The following DIP2C variants were observed in gnomAD, a reference collection of about 807,000 sequenced individuals.
The protein encoded by DIP2C is DIP2 acetate--CoA ligase C (putative), also known as disco-interacting protein 2 homolog C.
Under a neutral mutation model 192.4 loss-of-function variants are expected in DIP2C, and 33 were observed. The ratio of observed to expected loss-of-function variants is 0.17; its 90% CI spans 0.13 to 0.23. The LOEUF is 0.23. DIP2C is among the 10% of genes least tolerant of loss of function. The pLI, the probability that DIP2C is intolerant of heterozygous loss-of-function variation, is 1.00. For synonymous variants in DIP2C, 979 were observed against 864.1 expected (o/e 1.13, Z -2.33); for missense variants, 1,537 against 2,110.1 (o/e 0.73, Z 5.32).
chr10:422,973 G>A lies in DIP2C; in HGVS notation c.455C>T (p.Thr152Ile), dbSNP rs916831142. 7 of 1,614,214 alleles carry A rather than the reference G, an allele frequency of 4.3e-6. No individual in the cohort carries two copies. The highest frequency in any genetic ancestry group is 1.3e-5 in the African/African-American group (1 of 75,072). The change falls in exon 5 of 37, where the codon ACC becomes ATC. Residue 152 changes from threonine (T) to isoleucine (I), a missense_variant. Thr to Ile is a moderately conservative substitution (Grantham distance 89, BLOSUM62 -1). This residue lies in a region of DIP2C where 473 missense variants were observed against 539.6 expected (regional missense o/e 0.88). Transcript: ENST00000280886. ...SVQGDSQGTP[T>I]SSQGSINMEH... is the part of the protein sequence containing the mutation. ...CATATTGATGCTGCCCTGGCTGGAG[G>A]TGGGGGTGCCCTGGGAGTCCCCCTG...
At chr10:593,913 T>TA (rs1851549810) in intron 1 of DIP2C, among the ~76,000 whole-genome samples, 1 of 151,430 alleles carries the variant, frequency 6.6e-6, no homozygotes, top group Admixed American at 6.5e-5. Flanking sequence ...GCTGCCGAGT[T>TA]AAAGGGCCTC....
At chr10:582,636 G>A (rs1850740492) in intron 1 of DIP2C, among the ~76,000 whole-genome samples, 1 of 152,144 alleles carries the variant, frequency 6.6e-6, no homozygotes, top group South Asian at 2.1e-4. Flanking sequence ...TTAGGTGGAG[G>A]AAACACCGCA....
chr10:378,267 G>T (rs1013194664), intron 17 of DIP2C, among the ~76,000 whole-genome samples: 1 of 152,206 alleles, frequency 6.6e-6, no homozygotes, highest in Non-Finnish European at 1.5e-5. Context: ...CACGTAGCAA[G>T]ACTGAGCAGA....
rs1488763699 is a variant in DIP2C at position 336,942 on chromosome 10, T to C, written c.3584+4257A>G. 2.1e-4 allele frequency among the ~76,000 whole-genome samples: 12 copies of C among 57,314 alleles called. 1 individual carries two copies. Among genetic ancestry groups the C allele is most frequent in the African/African-American group, 4.7e-4 (12 of 25,466 alleles). The allele number at this position is 57,314 out of a possible 152,430, so 37.6% of individuals were successfully genotyped here. ...TGTGTTGTGGAGGCCTAGACTGGTG[T>C]GTGCGCGTGTGTGTGTGTTGTGGAG... On this transcript the variant is annotated intron_variant, in intron 29 of 36. Transcript: ENST00000280886.
intron 1 of DIP2C, among the ~76,000 whole-genome samples, chr10:642,275 G>A (rs1366930751): frequency 6.6e-6 from 1 of 152,198 alleles, no homozygotes; most frequent in Non-Finnish European, 1.5e-5. Context: ...GACCCACCTG[G>A]AGGGCAGGTG....
chr10:453,260 G>A (rs1447008569), intron 3 of DIP2C, among the ~76,000 whole-genome samples: 7 of 152,044 alleles, frequency 4.6e-5, no homozygotes, highest in African/African-American at 7.2e-5. Context: ...AGTTTTACCC[G>A]GCCACATGAA....
chr10:580,731 ATTTT>A (rs939691149), intron 1 of DIP2C, among the ~76,000 whole-genome samples: 1 of 151,684 alleles, frequency 6.6e-6, no homozygotes, highest in African/African-American at 2.4e-5. Context: ...GTTCCACATA[ATTTT>A]TTTTTCCAAA....
intron 7 of DIP2C, among the ~76,000 whole-genome samples, chr10:414,356 C>T (rs1208006965): frequency 6.6e-6 from 1 of 152,114 alleles, no homozygotes; most frequent in Non-Finnish European, 1.5e-5. Context: ...CACACAGCTG[C>T]AAACTGATAA....
intron 3 of DIP2C, among the ~76,000 whole-genome samples, chr10:443,729 C>G (rs995506418): frequency 2.0e-5 from 3 of 152,154 alleles, no homozygotes; most frequent in African/African-American, 7.2e-5. Flanking sequence ...AGAAACCTGG[C>G]TCCTGTTACC....
intron 1 of DIP2C, among the ~76,000 whole-genome samples, chr10:655,051 T>C (rs1588691919): frequency 6.6e-6 from 1 of 152,116 alleles, no homozygotes; most frequent in South Asian, 2.1e-4. Context: ...GGGAACTTGC[T>C]CAGGGGGCTT....
chr10:329,569 G>A lies in DIP2C; in HGVS notation c.3617C>T (p.Pro1206Leu), dbSNP rs1243739108. The A allele has an allele frequency of 1.1e-5, 17 of 1,614,036 alleles. No homozygotes were observed. Among genetic ancestry groups the A allele is most frequent in the East Asian group, 2.2e-5 (1 of 44,892 alleles). The part of the protein sequence containing the change: ...VYSGHQSILI[P>L]PSELETNPAL... ...GGGGTTGGTTTCCAGCTCAGAGGGC[G>A]GGATCAGGATGGACTGGTGCCCAGA... The change falls in exon 30 of 37, where the codon CCG becomes CTG. Residue 1206 changes from proline to leucine, a missense_variant. Around this residue, in one of 4 missense-constraint regions of DIP2C, gnomAD observed 341 missense variants for 551.7 expected, o/e 0.62. Coordinates refer to ENST00000280886, the MANE Select transcript of DIP2C (RefSeq NM_014974.3).
At chr10:579,514 C>T (rs1044915329) in intron 1 of DIP2C, among the ~76,000 whole-genome samples, 15 of 152,040 alleles carry the variant, frequency 9.9e-5, no homozygotes, top group Middle Eastern at 3.4e-3. Flanking sequence ...TGTGTACATG[C>T]AGAGAGCATA....
intron 17 of DIP2C, among the ~76,000 whole-genome samples, chr10:377,224 C>CT (rs1239832514): frequency 1.4e-5 from 2 of 146,592 alleles, no homozygotes; most frequent in Admixed American, 6.9e-5. Flanking sequence ...ACTATATAAA[C>CT]TTTTTTACAA....
At chr10:546,284 A>G (rs1848281818) in intron 1 of DIP2C, among the ~76,000 whole-genome samples, 1 of 151,890 alleles carries the variant, frequency 6.6e-6, no homozygotes, top group Non-Finnish European at 1.5e-5. Flanking sequence ...TCTTAAAAAA[A>G]AAAAAAAAAA....
intron 34 of DIP2C, among the ~76,000 whole-genome samples, chr10:284,071 A>G (rs945570825): frequency 6.6e-6 from 1 of 152,224 alleles, no homozygotes; most frequent in African/African-American, 2.4e-5. Context: ...AAACCAGTGA[A>G]GTTCCACAGA....
chr10:501,327 CTTTA>C (rs61050588), intron 1 of DIP2C, among the ~76,000 whole-genome samples: 52,975 of 151,892 alleles, frequency 0.35, 10,929 homozygotes, highest in Non-Finnish European at 0.47. Context: ...TAAGAATATA[CTTTA>C]TTTAGAAGGC....
In DIP2C at chr10:310,106, C is replaced by T. The variant is rs1168502782; in HGVS notation, c.3925-14G>A. The T allele has an allele frequency of 2.5e-6, 4 of 1,613,938 alleles. No individual in the cohort carries two copies. The highest frequency in any genetic ancestry group is 3.4e-6 in the Non-Finnish European group (4 of 1,179,844). ...TCCTGAGGTTCCCTGCAAGCAACAACAGAGTGGTTAACTCAAGTTTACATG... is the reference window on the plus strand; with the variant it reads ...TCCTGAGGTTCCCTGCAAGCAACAATAGAGTGGTTAACTCAAGTTTACATG... On this transcript the variant is annotated splice_polypyrimidine_tract_variant and intron_variant, in intron 31 of 36. Coordinates refer to ENST00000280886, the MANE Select transcript of DIP2C (RefSeq NM_014974.3).
Position 372,025 on chromosome 10 carries a change from G to A in DIP2C, c.1992-2392C>T, listed in dbSNP as rs184984796. On this transcript the variant is annotated intron_variant, in intron 17 of 36. Coordinates refer to ENST00000280886, the MANE Select transcript of DIP2C (RefSeq NM_014974.3). ...GGCCGGAAGGGAAAAAGTTATCTCA[G>A]GGCCCAAAAACGTATGTTTTATTGT... 4.6e-5 allele frequency among the ~76,000 whole-genome samples: 7 copies of A among 152,036 alleles called. 1 individual carries two copies. Among genetic ancestry groups the A allele is most frequent in the Admixed American group, 4.6e-4 (7 of 15,278 alleles).
chr10:550,006 CTT>C (rs11461177), intron 1 of DIP2C, among the ~76,000 whole-genome samples: 22 of 134,740 alleles, frequency 1.6e-4, no homozygotes, highest in Admixed American at 5.2e-4. Flanking sequence ...GGACGTGTAG[CTT>C]TTTTTTTTTT....
Sources: allele counts gnomAD v4.1 joint callset (sites outside exome capture counted in the v4.1 genomes callset), GRCh38; gene constraint gnomAD v4.1.1; regional missense constraint gnomAD v4.1.1; transcripts MANE v1.5; gene names NCBI Gene and HGNC (gene_info 2026-07-23, HGNC 2026-07-21).